The following TENT4B variants were observed in gnomAD, a reference collection of about 807,000 sequenced individuals.
The protein encoded by TENT4B is terminal nucleotidyltransferase 4B, also known as PAP associated domain containing 5.
Under a neutral mutation model 75.0 loss-of-function variants are expected in TENT4B, and 10 were observed. That is an observed-to-expected ratio of 0.13 (90% CI 0.08 to 0.23). TENT4B has a LOEUF of 0.23. Ranked by LOEUF, TENT4B falls within the 10% of genes least tolerant of loss-of-function variation. The pLI is 1.00. For missense variants in TENT4B, 579 were observed against 893.8 expected, an observed-to-expected ratio of 0.65 and a Z score of 4.49; for synonymous variants, 350 against 357.7, an observed-to-expected ratio of 0.98 and a Z score of 0.24.
At chr16:50,201,514 G>A (rs2030647873) in intron 1 of TENT4B, among the ~76,000 whole-genome samples, 1 of 150,886 alleles carries the variant, frequency 6.6e-6, no homozygotes, top group Non-Finnish European at 1.5e-5. Context: ...TCCAACCTTG[G>A]CGATAGAGCA....
At chr16:50,217,971 G>T (rs958329765) in intron 5 of TENT4B, among the ~76,000 whole-genome samples, 2 of 149,746 alleles carry the variant, frequency 1.3e-5, no homozygotes, top group Non-Finnish European at 3.0e-5. Flanking sequence ...TTGGGGTCTC[G>T]CTGTGTTGGC....
At chr16:50,160,727 C>T (rs181678632) in intron 1 of TENT4B, among the ~76,000 whole-genome samples, 1 of 152,194 alleles carries the variant, frequency 6.6e-6, no homozygotes, top group African/African-American at 2.4e-5. Flanking sequence ...GATATTCTTG[C>T]ACCTGCTGAA....
chr16:50,170,732 T>TCTCGGTTCACCACAAC (rs1353300675), intron 1 of TENT4B, among the ~76,000 whole-genome samples: 1 of 151,952 alleles, frequency 6.6e-6, no homozygotes, highest in Non-Finnish European at 1.5e-5. Context: ...AGCAGCATGA[T>TCTCGGTTCACCACAAC]CTCGGTTCAC....
chr16:50,155,272 G>GTGTGTGTGTGTGTGT (rs2037871396), intron 1 of TENT4B, among the ~76,000 whole-genome samples: 158 of 135,478 alleles, frequency 1.2e-3, no homozygotes, highest in Non-Finnish European at 8.7e-4. Context: ...GGGTCTCGTG[G>GTGTGTGTGTGTGTGT]GTGTGTGTGT....
Position 50,235,206 on chromosome 16 carries a change from A to G in TENT4B, c.*5878A>G, listed in dbSNP as rs779006097. Reference sequence around the variant, plus strand: ...GTCAATTATTTGCCTTGGAAATTTTATAAATTGCATTTCTATGCACATCGG... The same window carrying G: ...GTCAATTATTTGCCTTGGAAATTTTGTAAATTGCATTTCTATGCACATCGG... On this transcript the variant is annotated 3_prime_UTR_variant, in exon 12 of 12. Coordinates refer to ENST00000561678, the MANE Select transcript of TENT4B (RefSeq NM_001365324.3). 1 of 244,468 alleles carries G rather than the reference A, an allele frequency of 4.1e-6. No homozygotes were observed. Among genetic ancestry groups the G allele is most frequent in the African/African-American group, 2.3e-5 (1 of 43,166 alleles). The allele number at this position is 244,468 out of a possible 1,614,324, so 15.1% of individuals were successfully genotyped here.
At position 50,216,278 on chromosome 16, in the gene TENT4B, GT is replaced by G; in HGVS notation, c.930+85del. ...TTAAAATTAAAGTTTGGTGAGCACA[GT>G]TGCATTGCAAGTGAGTGATTCTTTC... On this transcript the variant is annotated intron_variant, in intron 4 of 11. Coordinates refer to ENST00000561678, the MANE Select transcript of TENT4B (RefSeq NM_001365324.3). 4.0e-6 allele frequency: 6 copies of G among 1,509,744 alleles called. No homozygotes were observed. In the South Asian group the frequency reaches 5.9e-5, roughly 15 times the overall value. 93.5% of individuals were successfully genotyped at this position (1,509,744 alleles called of 1,614,324 possible). A position where few individuals can be genotyped will look rare whatever the true frequency, so the allele number is the denominator to read the frequency against.
At chr16:50,185,780 C>A (rs762511290) in intron 1 of TENT4B, among the ~76,000 whole-genome samples, 3 of 152,074 alleles carry the variant, frequency 2.0e-5, no homozygotes, top group Non-Finnish European at 4.4e-5. Context: ...CACCTGCACA[C>A]CCTTGGCATA....
Position 50,201,493 on chromosome 16 carries a change from C to T in TENT4B, c.639-9830C>T, listed in dbSNP as rs191985943. 8.4e-4 allele frequency among the ~76,000 whole-genome samples: 126 copies of T among 150,716 alleles called. 2 individuals are homozygous for T. The highest frequency in any genetic ancestry group is 2.4e-3 in the African/African-American group (97 of 40,948). ...CAGAGGTTGCAGTGAGCCGAGATCG[C>T]GCCACTGCACTCCAACCTTGGCGAT... On this transcript the variant is annotated intron_variant, in intron 1 of 11. Transcript: ENST00000561678.
intron 1 of TENT4B, among the ~76,000 whole-genome samples, chr16:50,179,912 G>A (rs962899852): frequency 5.3e-5 from 8 of 151,968 alleles, no homozygotes; most frequent in African/African-American, 1.9e-4. Flanking sequence ...ATACCGTTGG[G>A]TTTCCTGTGG....
Position 50,153,466 on chromosome 16 carries a change from C to A in TENT4B, c.-156C>A. On this transcript the variant is annotated 5_prime_UTR_variant, in exon 1 of 12. Coordinates refer to ENST00000561678, the MANE Select transcript of TENT4B (RefSeq NM_001365324.3). ...GCGCCGGCCGGGCTCCCTGCGCGAC[C>A]GCGCCGCCCGCGGCGGGCCCCGAGC... The A allele has an allele frequency of 1.0e-6, 1 of 968,602 alleles. No homozygotes were observed. Among genetic ancestry groups the A allele is most frequent in the Non-Finnish European group, 1.2e-6 (1 of 817,672 alleles). The allele number at this position is 968,602 out of a possible 1,614,324, so 60.0% of individuals were successfully genotyped here. A position where few individuals can be genotyped will look rare whatever the true frequency, so the allele number is the denominator to read the frequency against.
Position 50,211,335 on chromosome 16 carries a change from A to G in TENT4B, c.651A>G (p.Glu217=). ...TTTTTTTCTTCAGTCTGCATGAAGA[A>G]ATCAGTGATTTTTATGAATACATGT... ...YNQGVVGLHE[E]ISDFYEYMSP... is the part of the protein sequence containing the mutation. Residue 217 remains glutamate, a synonymous_variant, in exon 2 of 12, where the codon GAA becomes GAG. Transcript: ENST00000561678. 1 of 1,607,098 alleles carries G rather than the reference A, an allele frequency of 6.2e-7. No homozygotes were observed. Among genetic ancestry groups the G allele is most frequent in the Non-Finnish European group, 8.5e-7 (1 of 1,178,036 alleles).
At chr16:50,203,636 T>C (rs2030784607) in intron 1 of TENT4B, among the ~76,000 whole-genome samples, 1 of 151,936 alleles carries the variant, frequency 6.6e-6, no homozygotes, top group Non-Finnish European at 1.5e-5. Context: ...GGTCAAATTG[T>C]CCTCCTTCTG....
intron 1 of TENT4B, among the ~76,000 whole-genome samples, chr16:50,167,144 C>T (rs1258850619): frequency 1.3e-5 from 2 of 152,142 alleles, no homozygotes; most frequent in Non-Finnish European, 2.9e-5. Context: ...CTTCCCTGGG[C>T]CACATTAGAA....
chr16:50,229,669 G>A lies in TENT4B; in HGVS notation c.*341G>A, dbSNP rs1172851498. 4.0e-6 allele frequency: 4 copies of A among 1,008,998 alleles called. No homozygotes were observed. The highest frequency in any genetic ancestry group is 4.7e-6 in the Non-Finnish European group (4 of 845,724). 62.5% of individuals were successfully genotyped at this position (1,008,998 alleles called of 1,614,324 possible). A position where few individuals can be genotyped will look rare whatever the true frequency, so the allele number is the denominator to read the frequency against. ...GCAGAGTTATAGGGAATAGTATTCA[G>A]TGTTGGTAGGGTGATAGAAACAAAA... On this transcript the variant is annotated 3_prime_UTR_variant, in exon 12 of 12. Coordinates refer to ENST00000561678, the MANE Select transcript of TENT4B (RefSeq NM_001365324.3).
At chr16:50,222,467 A>G (rs1443637820) in intron 6 of TENT4B, 33 bp downstream of exon 6, 2 of 1,598,406 alleles carry the variant, frequency 1.3e-6, no homozygotes, top group Admixed American at 1.8e-5. Context: ...GCTAGTGCAC[A>G]CTAAAAGCAA....
In TENT4B at chr16:50,234,688, T is replaced by C. The variant is rs1394688338; in HGVS notation, c.*5360T>C. On this transcript the variant is annotated 3_prime_UTR_variant, in exon 12 of 12. Transcript: ENST00000561678. ...AATCCTAAAATAAATCACAAGCTTG[T>C]TTGTTAGACGTGTCAAGAGTCTCCA... 20 of 985,316 alleles carry C rather than the reference T, an allele frequency of 2.0e-5. No individual in the cohort carries two copies. Among genetic ancestry groups the C allele is most frequent in the Non-Finnish European group, 2.4e-5 (20 of 829,934 alleles). The allele number at this position is 985,316 out of a possible 1,614,324, so 61.0% of individuals were successfully genotyped here. A position where few individuals can be genotyped will look rare whatever the true frequency, so the allele number is the denominator to read the frequency against.
intron 1 of TENT4B, among the ~76,000 whole-genome samples, chr16:50,169,777 T>C (rs2038171855): frequency 6.6e-6 from 1 of 152,184 alleles, no homozygotes. Flanking sequence ...TGGTGCCCCA[T>C]GCGTGCATGC....
Position 50,232,120 on chromosome 16 carries a change from G to GGT in TENT4B, c.*2794_*2795dup, listed in dbSNP as rs2032314521. On this transcript the variant is annotated 3_prime_UTR_variant, in exon 12 of 12. Coordinates refer to ENST00000561678, the MANE Select transcript of TENT4B (RefSeq NM_001365324.3). ...TGTTTTTTAGAGGAGCTGATGGGTT[G>GGT]GTGAGGTGTCAGCACAAAATCTTAC... 1.0e-6 allele frequency: 1 copy of GGT among 985,256 alleles called. No homozygotes were observed. Among genetic ancestry groups the GGT allele is most frequent in the Admixed American group, 6.2e-5 (1 of 16,258 alleles). The allele number at this position is 985,256 out of a possible 1,614,324, so 61.0% of individuals were successfully genotyped here.
chr16:50,223,101 G>A, intron 6 of TENT4B, 73 bp from the exon 7 acceptor site: 1 of 1,217,524 alleles, frequency 8.2e-7, no homozygotes, highest in Non-Finnish European at 1.2e-6. Context: ...GTAGAAGTTA[G>A]AATATAATTT....
Sources: gnomAD v4.1 joint callset for allele counts (sites outside exome capture counted in the v4.1 genomes callset) on GRCh38, gnomAD v4.1.1 for gene constraint, MANE v1.5 for transcripts, NCBI Gene and HGNC (gene_info 2026-07-23, HGNC 2026-07-21) for gene names.